The following ITPR2 variants were observed in gnomAD, a reference collection of about 807,000 sequenced individuals.
The protein encoded by ITPR2 is inositol 1,4,5-trisphosphate-gated calcium channel ITPR2.
Under a neutral mutation model 317.1 loss-of-function variants are expected in ITPR2, and 207 were observed. That is an observed-to-expected ratio of 0.65 (90% confidence interval 0.58 to 0.73). ITPR2 has a LOEUF of 0.73. Among genes scored for constraint, ITPR2 ranks in the 30% least tolerant of loss-of-function variants. The pLI is 0.00. For missense variants in ITPR2, 2,613 were observed against 3,284.0 expected (o/e 0.80, Z 4.99); for synonymous variants, 1,156 against 1,149.1 (o/e 1.01, Z -0.12).
In ITPR2 at chr12:26,621,238, A is replaced by T. The variant is rs368823781; in HGVS notation, c.3347T>A (p.Leu1116Gln). 31 of 1,613,818 alleles carry T rather than the reference A, an allele frequency of 1.9e-5. No homozygotes were observed. The African/African-American group carries it at 4.1e-4, about 22-fold the overall frequency. The change falls in exon 26 of 57, where the codon CTA (leucine) becomes CAA (glutamine). Residue 1116 changes from leucine (L) to glutamine (Q), a missense_variant. Transcript: ENST00000381340. ...VDNYKQIKAD[L>Q]DQLRLTVEKS... is the part of the protein sequence containing the mutation. ...TTCTACTGTCAGTCGAAGCTGGTCT[A>T]GATCTGCCTTGATTTGCTTGTAGTT...
chr12:26,738,474 T>C (rs1251604985), intron 2 of ITPR2, among the ~76,000 whole-genome samples: 1 of 152,132 alleles, frequency 6.6e-6, no homozygotes, highest in East Asian at 1.9e-4. Context: ...GGTGTGTTCT[T>C]CTCTTGGCAT....
Position 26,339,292 on chromosome 12 carries a change from A to T in ITPR2, c.*105T>A. On this transcript the variant is annotated 3_prime_UTR_variant, in exon 57 of 57. Transcript: ENST00000381340. ...AACATCTTGGCACTTGGTTGTTTTT[A>T]ACTTTTCAACAATAGGCACTGTTCA... is the stretch of plus-strand genomic sequence containing the variant. 1 of 950,392 alleles carries T rather than the reference A, an allele frequency of 1.1e-6. No individual in the cohort carries two copies. Among genetic ancestry groups the T allele is most frequent in the Non-Finnish European group, 1.6e-6 (1 of 613,406 alleles). 58.9% of individuals were successfully genotyped at this position (950,392 alleles called of 1,614,324 possible). A position where few individuals can be genotyped will look rare whatever the true frequency, so the allele number is the denominator to read the frequency against.
At chr12:26,771,502 GTTA>G (rs1949842970) in intron 2 of ITPR2, among the ~76,000 whole-genome samples, 4 of 152,000 alleles carry the variant, frequency 2.6e-5, no homozygotes, top group Admixed American at 1.3e-4. Flanking sequence ...TTTTGTTGTT[GTTA>G]TTATTATTGT....
intron 21 of ITPR2, among the ~76,000 whole-genome samples, chr12:26,646,631 G>C (rs1947120298): frequency 6.6e-6 from 1 of 152,104 alleles, no homozygotes; most frequent in Non-Finnish European, 1.5e-5. Context: ...GGGTCCACAG[G>C]GCTGTAAGTC....
intron 32 of ITPR2, among the ~76,000 whole-genome samples, chr12:26,593,742 T>C (rs1945765548): frequency 6.6e-6 from 1 of 152,180 alleles, no homozygotes; most frequent in African/African-American, 2.4e-5. Context: ...TTTTTGTTTT[T>C]TTTTTTGTGT....
intron 2 of ITPR2, among the ~76,000 whole-genome samples, chr12:26,778,563 G>A (rs192956529): frequency 9.2e-4 from 140 of 152,312 alleles, no homozygotes; most frequent in African/African-American, 3.2e-3. Flanking sequence ...GAAGCAATTT[G>A]CCTTCGGCTG....
At chr12:26,359,552 G>A (rs775567397) in intron 55 of ITPR2, among the ~76,000 whole-genome samples, 38 of 152,090 alleles carry the variant, frequency 2.5e-4, no homozygotes, top group Non-Finnish European at 4.3e-4. Flanking sequence ...TTCTGTAAGG[G>A]TTTCATAAAA....
At chr12:26,653,739 T>G (rs917926919) in intron 21 of ITPR2, among the ~76,000 whole-genome samples, 1 of 152,250 alleles carries the variant, frequency 6.6e-6, no homozygotes, top group Admixed American at 6.5e-5. Flanking sequence ...GCTATAATGT[T>G]AGTTGCTAAA....
chr12:26,769,023 ACACC>A (rs1353163642), intron 2 of ITPR2, among the ~76,000 whole-genome samples: 1 of 150,406 alleles, frequency 6.6e-6, no homozygotes, highest in Non-Finnish European at 1.5e-5. Context: ...ACACACACAC[ACACC>A]CCAATCTCAG....
At chr12:26,731,980 G>A in intron 2 of ITPR2, among the ~76,000 whole-genome samples, 1 of 151,354 alleles carries the variant, frequency 6.6e-6, no homozygotes, top group South Asian at 2.1e-4. Context: ...TTTTAAAAAG[G>A]AATGTGTTTT....
intron 23 of ITPR2, among the ~76,000 whole-genome samples, chr12:26,624,813 GATCCAGTA>G (rs1395708993): frequency 6.6e-6 from 1 of 151,266 alleles, no homozygotes; most frequent in Non-Finnish European, 1.5e-5. Flanking sequence ...GCTACCATAT[GATCCAGTA>G]ATTCTACTTC....
In ITPR2 at chr12:26,580,017, T is replaced by C; in HGVS notation, c.4509+10A>G. ...TTTGCAACAGAATGCTTTGCAATTG[T>C]TTAACTTACCTGGAGGCTGGTACTA... On this transcript the variant is annotated intron_variant, in intron 33 of 56. Coordinates refer to ENST00000381340, the MANE Select transcript of ITPR2 (RefSeq NM_002223.4). 1 of 1,605,108 alleles carries C rather than the reference T, an allele frequency of 6.2e-7. No homozygotes were observed. The highest frequency in any genetic ancestry group is 8.5e-7 in the Non-Finnish European group (1 of 1,176,742).
At chr12:26,457,427 G>A (rs1941919224) in intron 45 of ITPR2, among the ~76,000 whole-genome samples, 1 of 152,164 alleles carries the variant, frequency 6.6e-6, no homozygotes, top group African/African-American at 2.4e-5. Context: ...CAACAGGAGA[G>A]TTGACTTTTG....
chr12:26,596,938 A>G lies in ITPR2; in HGVS notation c.4199T>C (p.Leu1400Pro). The G allele has an allele frequency of 6.2e-7, 1 of 1,601,144 alleles. No individual in the cohort carries two copies. Among genetic ancestry groups the G allele is most frequent in the Non-Finnish European group, 8.5e-7 (1 of 1,172,856 alleles). Reference protein sequence around the residue: ...NVYTEIKCNSLLPLDDIVRVV... With the variant: ...NVYTEIKCNSPLPLDDIVRVV... ...CCTCACTATGTCGTCCAGCGGGAGA[A>G]GGGAATTACACTTGATTTCAGTGTA... Residue 1400 changes from leucine (L) to proline (P), a missense_variant, in exon 31 of 57, where the codon CTT (leucine) becomes CCT (proline). This residue lies in a region of ITPR2 where 926 missense variants were observed against 1,072.8 expected (regional missense o/e 0.86). Coordinates refer to ENST00000381340, the MANE Select transcript of ITPR2 (RefSeq NM_002223.4).
rs116778895 is a variant in ITPR2 at position 26,629,148 on chromosome 12, T to G, written c.2935-986A>C. On this transcript the variant is annotated intron_variant, in intron 22 of 56. Transcript: ENST00000381340. ...ATCTATACCACCTGTGTCCCATCCCTCCCTCCTCCTACGCCCCTTCTCTCA... is the reference window on the plus strand; with the variant it reads ...ATCTATACCACCTGTGTCCCATCCCGCCCTCCTCCTACGCCCCTTCTCTCA... 7.2e-3 allele frequency among the ~76,000 whole-genome samples: 1,095 copies of G among 152,184 alleles called. 15 individuals are homozygous for G. Among genetic ancestry groups the G allele is most frequent in the African/African-American group, 0.025 (1,029 of 41,480 alleles).
At chr12:26,468,004 A>T (rs1278474622) in intron 45 of ITPR2, among the ~76,000 whole-genome samples, 1 of 152,222 alleles carries the variant, frequency 6.6e-6, no homozygotes, top group African/African-American at 2.4e-5. Context: ...CTACTAATTT[A>T]GTAGCCAGGT....
chr12:26,622,071 A>C (rs1338244439), intron 25 of ITPR2, among the ~76,000 whole-genome samples, 169 bp downstream of exon 25: 11 of 152,218 alleles, frequency 7.2e-5, no homozygotes, highest in Non-Finnish European at 1.6e-4. Context: ...TACCTTCTAA[A>C]TAGATCACGT....
At chr12:26,795,055 T>C (rs979408498) in intron 1 of ITPR2, among the ~76,000 whole-genome samples, 6 of 152,258 alleles carry the variant, frequency 3.9e-5, no homozygotes, top group African/African-American at 1.4e-4. Context: ...ATTCCATTTT[T>C]ATAGTATCTA....
chr12:26,474,916 T>G (rs1295732227), intron 45 of ITPR2, among the ~76,000 whole-genome samples: 2 of 152,002 alleles, frequency 1.3e-5, no homozygotes, highest in Non-Finnish European at 2.9e-5. Context: ...AGAAACTACC[T>G]GCCGAATTTG....
Sources: gnomAD v4.1 joint callset for allele counts (sites outside exome capture counted in the v4.1 genomes callset) on GRCh38, gnomAD v4.1.1 for gene constraint, gnomAD v4.1.1 regional missense constraint, MANE v1.5 for transcripts, NCBI Gene and HGNC (gene_info 2026-07-23, HGNC 2026-07-21) for gene names.